The following ASRGL1 variants were observed in gnomAD, a reference collection of about 807,000 sequenced individuals.
ASRGL1 encodes the protein asparaginase and isoaspartyl peptidase 1.
Under a neutral mutation model 22.4 loss-of-function variants are expected in ASRGL1, and 16 were observed. The observed-to-expected ratio is 0.71, with a 90% CI of 0.48 to 1.08. The LOEUF (loss-of-function observed/expected upper bound fraction) is 1.08, where lower values mean the gene tolerates loss of function less well. Among genes scored for constraint, ASRGL1 ranks in the 50% least tolerant of loss-of-function variants. ASRGL1 has a pLI of 0.00. For synonymous variants in ASRGL1, 165 were observed against 159.3 expected (o/e 1.04, Z -0.27); for missense variants, 412 against 410.1 (o/e 1.00, Z -0.04).
At chr11:62,391,852 A>G (rs1565177290) in intron 6 of ASRGL1, 1 of 733,802 alleles carries the variant, frequency 1.4e-6, no homozygotes, top group Non-Finnish European at 2.2e-6. Context: ...AGAAGGGGGC[A>G]GTAGAGAGAC....
chr11:62,349,442 T>C (rs962166540), intron 2 of ASRGL1, among the ~76,000 whole-genome samples: 5 of 152,180 alleles, frequency 3.3e-5, no homozygotes, highest in African/African-American at 1.2e-4. Context: ...CTGCCATAAT[T>C]TTCTCACTGA....
intron 5 of ASRGL1, 118 bp downstream of exon 5, chr11:62,389,369 A>G: frequency 3.0e-6 from 3 of 1,002,264 alleles, no homozygotes; most frequent in East Asian, 2.4e-5. Flanking sequence ...CTTTTGGTGC[A>G]GCTCCAGGAT....
chr11:62,383,899 G>T (rs1947136478), intron 4 of ASRGL1, among the ~76,000 whole-genome samples: 1 of 135,954 alleles, frequency 7.4e-6, no homozygotes, highest in Non-Finnish European at 1.6e-5. Context: ...GGGCGACAGG[G>T]CAAGAGTTGG....
At chr11:62,385,282 T>C (rs1363635096) in intron 4 of ASRGL1, among the ~76,000 whole-genome samples, 2 of 152,176 alleles carry the variant, frequency 1.3e-5, no homozygotes, top group Non-Finnish European at 2.9e-5. Context: ...ACTCATTTTT[T>C]CCTTTGAATT....
chr11:62,361,914 A>G (rs893739700), intron 4 of ASRGL1, among the ~76,000 whole-genome samples: 3 of 152,160 alleles, frequency 2.0e-5, no homozygotes, highest in African/African-American at 7.2e-5. Context: ...TTGGCTTTAT[A>G]TCTCCTCCTT....
chr11:62,375,426 CTTTATATATATATA>C (rs1946889295), intron 4 of ASRGL1, among the ~76,000 whole-genome samples: 1 of 68,056 alleles, frequency 1.5e-5, no homozygotes, highest in African/African-American at 5.4e-5. Flanking sequence ...AATTGTCTTA[CTTTATATATATATA>C]TATATATATA....
At chr11:62,352,707 T>C (rs1296248196) in intron 2 of ASRGL1, among the ~76,000 whole-genome samples, 1 of 152,240 alleles carries the variant, frequency 6.6e-6, no homozygotes, top group East Asian at 1.9e-4. Flanking sequence ...TAAAGAATTC[T>C]GAATTTATAG....
At chr11:62,377,535 A>G (rs1477671907) in intron 4 of ASRGL1, among the ~76,000 whole-genome samples, 2 of 152,198 alleles carry the variant, frequency 1.3e-5, no homozygotes, top group African/African-American at 2.4e-5. Context: ...TGGAACCATC[A>G]GTAAACACCG....
chr11:62,384,012 A>ATG (rs199693523), intron 4 of ASRGL1, among the ~76,000 whole-genome samples: 33,288 of 150,678 alleles, frequency 0.22, 4,363 homozygotes, highest in South Asian at 0.35. Context: ...GTGTGTGTGC[A>ATG]TGTGTGTGTG....
At chr11:62,391,762 A>C in intron 6 of ASRGL1, 130 bp downstream of exon 6, 1 of 1,232,238 alleles carries the variant, frequency 8.1e-7, no homozygotes, top group East Asian at 2.6e-5. Flanking sequence ...TCAGGCCGTT[A>C]ACACCTTGTT....
At chr11:62,396,514 A>G (rs1421899765), downstream of ASRGL1, among the ~76,000 whole-genome samples, 2 of 152,196 alleles carry the variant, frequency 1.3e-5, no homozygotes, top group Non-Finnish European at 2.9e-5. Flanking sequence ...TGTCCCTCTC[A>G]GGTTAAAGTG....
chr11:62,361,241 G>C (rs1013438786), intron 4 of ASRGL1, among the ~76,000 whole-genome samples: 2 of 151,864 alleles, frequency 1.3e-5, no homozygotes, highest in African/African-American at 4.8e-5. Context: ...ACCCAGGCTC[G>C]AGTGCAGTGT....
chr11:62,400,515 G>A, the ASRGL1 span, among the ~76,000 whole-genome samples: 15 of 152,294 alleles, frequency 9.8e-5, no homozygotes, highest in African/African-American at 2.9e-4. Flanking sequence ...CAGCAGGGGC[G>A]CGGCTATTTC....
At chr11:62,388,982 G>C in intron 4 of ASRGL1, 151 bp from the exon 5 acceptor site, 1 of 694,940 alleles carries the variant, frequency 1.4e-6, no homozygotes. Context: ...CGTAGAATGA[G>C]AAGCAGCAGG....
At chr11:62,367,599 A>G (rs1210870389) in intron 4 of ASRGL1, among the ~76,000 whole-genome samples, 1 of 151,792 alleles carries the variant, frequency 6.6e-6, no homozygotes, top group Admixed American at 6.6e-5. Flanking sequence ...AGCTGAGATC[A>G]CACCATTGCA....
rs750081668 is a variant in ASRGL1, at chr11:62,392,232, A to G, written c.875A>G (p.Lys292Arg). ...CCCTGGGCAGCCGCCAAGGACGGCA[A>G]GCTGCACTTCGGAATTGATCCTGAC... ...SMPWAAAKDGKLHFGIDPDDT... is the reference protein window; with the variant it reads ...SMPWAAAKDGRLHFGIDPDDT... The change falls in exon 7 of 7, where the codon AAG becomes AGG. Residue 292 changes from lysine to arginine, a missense_variant. By Grantham distance (26) the Lys-to-Arg change is conservative. Transcript: ENST00000415229. 3 of 1,614,220 alleles carry G rather than the reference A, an allele frequency of 1.9e-6. No homozygotes were observed. The South Asian group carries it at 3.3e-5, about 18-fold the overall frequency.
chr11:62,387,917 T>A (rs1947252290), intron 4 of ASRGL1, among the ~76,000 whole-genome samples: 1 of 152,190 alleles, frequency 6.6e-6, no homozygotes, highest in African/African-American at 2.4e-5. Context: ...TGTTCAACTG[T>A]GTTACAGTCA....
chr11:62,375,819 A>G (rs1241360226), intron 4 of ASRGL1, among the ~76,000 whole-genome samples: 2 of 151,918 alleles, frequency 1.3e-5, no homozygotes, highest in Non-Finnish European at 2.9e-5. Flanking sequence ...ACAATCATCA[A>G]AGCTGCAAGC....
chr11:62,375,147 C>A, intron 4 of ASRGL1, among the ~76,000 whole-genome samples: 1 of 152,048 alleles, frequency 6.6e-6, no homozygotes, highest in East Asian at 1.9e-4. Context: ...AAAGTGAAGA[C>A]TGCCTTGTCC....
Sources: gnomAD v4.1 joint callset for allele counts (sites outside exome capture counted in the v4.1 genomes callset) on GRCh38, gnomAD v4.1.1 for gene constraint, MANE v1.5 for transcripts, NCBI Gene and HGNC (gene_info 2026-07-23, HGNC 2026-07-21) for gene names.